Variants in GALNT9 observed in about 807,000 individuals in gnomAD.
GALNT9 encodes the protein polypeptide N-acetylgalactosaminyltransferase 9.
A neutral mutation model predicts 63.1 loss-of-function variants in GALNT9; 47 were observed. The ratio of observed to expected loss-of-function variants is 0.75; its 90% CI spans 0.59 to 0.95. The LOEUF (loss-of-function observed/expected upper bound fraction) is 0.95. Among genes scored for constraint, GALNT9 ranks in the 40% least tolerant of loss-of-function variants. The pLI, the probability that GALNT9 is intolerant of heterozygous loss-of-function variation, is 0.00. For synonymous variants in GALNT9, 396 were observed against 365.7 expected (o/e 1.08, Z -0.94); for missense variants, 829 against 874.8 (o/e 0.95, Z 0.66).
chr12:132,213,469 C>T (rs2135515169), intron 6 of GALNT9, among the ~76,000 whole-genome samples: 1 of 81,124 alleles, frequency 1.2e-5, no homozygotes, highest in East Asian at 8.9e-4. Flanking sequence ...CACACACAGG[C>T]ACACTCACAC....
intron 6 of GALNT9, among the ~76,000 whole-genome samples, chr12:132,243,859 C>T (rs1319027562): frequency 6.6e-6 from 1 of 152,196 alleles, no homozygotes; most frequent in East Asian, 1.9e-4. Context: ...GGCCAATCAC[C>T]CGTCAATCAC....
At chr12:132,206,295 C>G (rs917860777) in intron 6 of GALNT9, 27 of 152,820 alleles carry the variant, frequency 1.8e-4, no homozygotes, top group East Asian at 1.9e-4. Flanking sequence ...CTTCCCAGGT[C>G]TCTGCATGCT....
chr12:132,243,837 C>A (rs1291398654), intron 6 of GALNT9, among the ~76,000 whole-genome samples: 1 of 152,210 alleles, frequency 6.6e-6, no homozygotes, highest in African/African-American at 2.4e-5. Flanking sequence ...CGTCAATCAC[C>A]CATCAATCAC....
At position 132,328,951 on chromosome 12, in the gene GALNT9, G is replaced by C; in HGVS notation, c.238+15C>G. 1 of 1,507,402 alleles carries C rather than the reference G, an allele frequency of 6.6e-7. No homozygotes were observed. Among genetic ancestry groups the C allele is most frequent in the Non-Finnish European group, 8.9e-7 (1 of 1,127,098 alleles). 93.4% of individuals were successfully genotyped at this position (1,507,402 alleles called of 1,614,324 possible). The stretch of plus-strand genomic sequence containing the variant: ...GGCAGGGCTGCCCCCACTCCGCCCC[G>C]GCGCCCCCGCTCACCGTTGAGCTGG... On this transcript the variant is annotated intron_variant, in intron 1 of 10. Transcript: ENST00000328957.
At position 132,286,137 on chromosome 12, in the gene GALNT9, G is replaced by A; in HGVS notation, c.419+113C>T. 4 of 1,258,996 alleles carry A rather than the reference G, an allele frequency of 3.2e-6. No individual in the cohort carries two copies. The South Asian group carries it at 6.6e-5, about 21-fold the overall frequency. 78.0% of individuals were successfully genotyped at this position (1,258,996 alleles called of 1,614,324 possible). On this transcript the variant is annotated intron_variant, in intron 2 of 10. Transcript: ENST00000328957. This position sits in a 1 kb window ranked among gnomAD's most constrained non-coding sequence, Gnocchi z 7.4. ...GGGCGGTCACTTCCCTGGCGGGCGT[G>A]GGGGCCGCTCACTTCCCCGGCCGGC...
At chr12:132,303,414 C>CA (rs1218634471) in intron 1 of GALNT9, among the ~76,000 whole-genome samples, 2 of 92,138 alleles carry the variant, frequency 2.2e-5, no homozygotes, top group African/African-American at 4.6e-5. Context: ...CACCCTCACC[C>CA]GGGCACAGCC....
At chr12:132,266,368 C>G (rs1879597663) in intron 2 of GALNT9, among the ~76,000 whole-genome samples, 1 of 152,216 alleles carries the variant, frequency 6.6e-6, no homozygotes, top group Admixed American at 6.5e-5. Flanking sequence ...CTCTCAAATT[C>G]TTTTGTGCTG....
At chr12:132,269,805 C>T (rs114028329) in intron 2 of GALNT9, among the ~76,000 whole-genome samples, 3,517 of 152,324 alleles carry the variant, frequency 0.023, 133 homozygotes, top group African/African-American at 0.079. Context: ...CTCACTTTCC[C>T]GTGTCTAACC....
At position 132,244,837 on chromosome 12, in the gene GALNT9, GTGA is replaced by G. The variant is rs1192297448; in HGVS notation, c.1077+3070_1077+3072del. Among the ~76,000 whole-genome samples the G allele has an allele frequency of 3.2e-4, 48 of 150,914 alleles. 2 individuals carry two copies. The highest frequency in any genetic ancestry group is 6.2e-4 in the Non-Finnish European group (42 of 67,650). On this transcript the variant is annotated intron_variant, in intron 6 of 10. Transcript: ENST00000328957. Reference sequence around the variant, plus strand: ...GGTGATGGAGTTGGACGGGGGCGTGGTGATGGGGACAGGTGAGTCTCCTGTCCC... The same window carrying G: ...GGTGATGGAGTTGGACGGGGGCGTGGTGGGGACAGGTGAGTCTCCTGTCCC...
intron 2 of GALNT9, among the ~76,000 whole-genome samples, chr12:132,267,049 G>A (rs565450423): frequency 2.6e-5 from 4 of 152,204 alleles, no homozygotes; most frequent in Admixed American, 1.3e-4. Flanking sequence ...CTGGATGTGC[G>A]GTTGAGCTCT....
chr12:132,208,282 G>A (rs987601234), intron 6 of GALNT9, among the ~76,000 whole-genome samples: 2 of 152,222 alleles, frequency 1.3e-5, no homozygotes, highest in Non-Finnish European at 2.9e-5. Context: ...CAAGAGGCAG[G>A]AGGCCCGGGC....
rs1202770226 is a variant in GALNT9, at chr12:132,265,836, T to C, written c.420-3211A>G. Among the ~76,000 whole-genome samples, 2 of 152,218 alleles carry C rather than the reference T, an allele frequency of 1.3e-5. No homozygotes were observed. Among genetic ancestry groups the C allele is most frequent in the Non-Finnish European group, 2.9e-5 (2 of 68,024 alleles). On this transcript the variant is annotated intron_variant, in intron 2 of 10. Coordinates refer to ENST00000328957, the MANE Select transcript of GALNT9 (RefSeq NM_001122636.2). The surrounding 1 kb of genome is among the most constrained non-coding windows in gnomAD (Gnocchi z 5.3). ...GTTACACTCCAAGTTCAGCTCATTT[T>C]AATAGTAAGAGACACACCCCCAGGT...
Position 132,196,651 on chromosome 12 carries a change from G to A in GALNT9, c.*456C>T. ...GAGCTGCATTATGATGTGTGACTTA[G>A]GTCTTGGTTGGAGGGCTGAGCGGCC... On this transcript the variant is annotated 3_prime_UTR_variant, in exon 11 of 11. Transcript: ENST00000328957. The A allele has an allele frequency of 1.0e-6, 1 of 999,830 alleles. No homozygotes were observed. Among genetic ancestry groups the A allele is most frequent in the Non-Finnish European group, 1.2e-6 (1 of 839,048 alleles). The allele number at this position is 999,830 out of a possible 1,614,324, so 61.9% of individuals were successfully genotyped here.
chr12:132,311,041 C>T (rs1002381893), intron 1 of GALNT9, among the ~76,000 whole-genome samples: 9 of 152,320 alleles, frequency 5.9e-5, no homozygotes, highest in African/African-American at 2.2e-4. Context: ...GACCAACCTG[C>T]CTCCCGCTGA....
Position 132,315,973 on chromosome 12 carries a change from G to A in GALNT9, c.238+12993C>T, listed in dbSNP as rs1868488998. On this transcript the variant is annotated intron_variant, in intron 1 of 10. Coordinates refer to ENST00000328957, the MANE Select transcript of GALNT9 (RefSeq NM_001122636.2). The surrounding 1 kb of genome is among the most constrained non-coding windows in gnomAD (Gnocchi z 6.1). ...AACAGTCTCCAGAATGTTCGAGAGT[G>A]GAGGGTGGTGGGGACGCGGGGTCCT... 6.6e-6 allele frequency among the ~76,000 whole-genome samples: 1 copy of A among 152,242 alleles called. No homozygotes were observed. Among genetic ancestry groups the A allele is most frequent in the Admixed American group, 6.5e-5 (1 of 15,276 alleles).
In GALNT9 at chr12:132,215,926, G is replaced by A. The variant is rs572510088; in HGVS notation, c.1078-12236C>T. ...TTCTGGGCCAGGCCTGAGGGGCTGCGTCCCCCTCCCCAATCCCCTGTCCAG... is the reference window on the plus strand; with the variant it reads ...TTCTGGGCCAGGCCTGAGGGGCTGCATCCCCCTCCCCAATCCCCTGTCCAG... On this transcript the variant is annotated intron_variant, in intron 6 of 10. Transcript: ENST00000328957. Among the ~76,000 whole-genome samples, 71 of 152,220 alleles carry A rather than the reference G, an allele frequency of 4.7e-4. No homozygotes were observed. In the South Asian group the frequency reaches 0.011, roughly 23 times the overall value.
intron 6 of GALNT9, among the ~76,000 whole-genome samples, chr12:132,209,767 G>C (rs10751710): frequency 0.76 from 115,974 of 152,136 alleles, 44,378 homozygotes; most frequent in African/African-American, 0.79. Flanking sequence ...CCCTCAGTTC[G>C]GGGAAATCCT....
At chr12:132,228,920 T>C (rs1366449455) in intron 6 of GALNT9, among the ~76,000 whole-genome samples, 19 of 152,290 alleles carry the variant, frequency 1.2e-4, no homozygotes, top group African/African-American at 3.1e-4. Context: ...GTCGCAGAAA[T>C]GTAAATTGGC....
At chr12:132,267,812 C>T (rs797034604) in intron 2 of GALNT9, among the ~76,000 whole-genome samples, 11 of 56,146 alleles carry the variant, frequency 2.0e-4, no homozygotes, top group African/African-American at 7.0e-4. Context: ...CACTCACACA[C>T]GCACTCACAC....
Sources: allele counts gnomAD v4.1 joint callset (sites outside exome capture counted in the v4.1 genomes callset), GRCh38; gene constraint gnomAD v4.1.1; non-coding constraint Gnocchi (gnomAD v3.1); transcripts MANE v1.5; gene names NCBI Gene and HGNC (gene_info 2026-07-23, HGNC 2026-07-21).